The following ARHGEF9 variants were observed in gnomAD, a reference collection of about 807,000 sequenced individuals.
The protein encoded by ARHGEF9 is rho guanine nucleotide exchange factor 9.
Under a neutral mutation model 41.3 loss-of-function variants are expected in ARHGEF9, and 2 were observed. The observed-to-expected ratio is 0.05, with a 90% CI of 0.02 to 0.15. The LOEUF is 0.15. Among genes scored for constraint, ARHGEF9 ranks in the 10% least tolerant of loss-of-function variants. The probability of loss-of-function intolerance (pLI) is 1.00; values close to 1 mark genes in which losing one functional copy is unlikely to be tolerated. For synonymous variants in ARHGEF9, 160 were observed against 154.4 expected, an observed-to-expected ratio of 1.04 and a Z score of -0.27; for missense variants, 225 against 424.7, an observed-to-expected ratio of 0.53 and a Z score of 4.13.
chrX:63,735,285 C>T (rs1556422117), intron 1 of ARHGEF9, among the ~76,000 whole-genome samples: 2 of 111,210 alleles, frequency 1.8e-5, no homozygotes, highest in Admixed American at 1.9e-4. Context: ...TTTAACTTTT[C>T]CTGGACTACG....
chrX:63,659,574 T>A (rs1174634000), intron 7 of ARHGEF9, among the ~76,000 whole-genome samples: 1 of 111,217 alleles, frequency 9.0e-6, no homozygotes, highest in Non-Finnish European at 1.9e-5. Flanking sequence ...GCTTCACTTG[T>A]TTGTAAATAA....
At chrX:63,781,644 C>T (rs1222407897) in intron 1 of ARHGEF9, among the ~76,000 whole-genome samples, 2 of 111,926 alleles carry the variant, frequency 1.8e-5, no homozygotes, top group Non-Finnish European at 3.8e-5. Context: ...GCAACCATCA[C>T]GTCTAACCTG....
rs1556301481 is a variant in ARHGEF9, at chrX:63,638,213, G to C, written c.1391-4C>G. 6.8e-6 allele frequency: 8 copies of C among 1,170,883 alleles called. No homozygotes were observed. In the Admixed American group the frequency reaches 1.5e-4, roughly 22 times the overall value. On this transcript the variant is annotated splice_polypyrimidine_tract_variant and splice_region_variant and intron_variant, in intron 9 of 9. Transcript: ENST00000671741. ...ACTGAGCGGGCAGAGTTGACACCTA[G>C]AGTAGATGAGAGATCAAAGGGAAAG...
At chrX:63,649,253 T>A (rs1556322550) in intron 8 of ARHGEF9, among the ~76,000 whole-genome samples, 1 of 111,342 alleles carries the variant, frequency 9.0e-6, no homozygotes, top group Non-Finnish European at 1.9e-5. Flanking sequence ...CAGACCACAG[T>A]GAAATCAAAC....
intron 8 of ARHGEF9, among the ~76,000 whole-genome samples, chrX:63,651,790 G>A (rs555734813): frequency 3.6e-5 from 4 of 110,172 alleles, no homozygotes; most frequent in East Asian, 2.9e-4. Flanking sequence ...CGTGAAATTC[G>A]TGACTGACAA....
chrX:63,755,101 C>T, intron 1 of ARHGEF9: 6 of 938,957 alleles, frequency 6.4e-6, no homozygotes, highest in Non-Finnish European at 7.9e-6. Flanking sequence ...CCTTGCTGGC[C>T]CTATCCCTCT....
Position 63,722,929 on chromosome X carries a change from A to T in ARHGEF9, c.210+1603T>A, listed in dbSNP as rs1292310316. 2.7e-5 allele frequency: 3 copies of T among 111,782 alleles called. No homozygotes were observed. The East Asian group carries it at 8.4e-4, about 31-fold the overall frequency. 9.2% of individuals were successfully genotyped at this position (111,782 alleles called of 1,213,427 possible). On this transcript the variant is annotated intron_variant, in intron 2 of 9. Coordinates refer to ENST00000671741, the MANE Select transcript of ARHGEF9 (RefSeq NM_001353921.2). ...AGAAGAAAAGATTGGATATTTCATT[A>T]GAAGATTCTCATGATAGAAGGGAAT...
chrX:63,637,985 T>C lies in ARHGEF9; in HGVS notation c.*43A>G. On this transcript the variant is annotated 3_prime_UTR_variant, in exon 10 of 10. Coordinates refer to ENST00000671741, the MANE Select transcript of ARHGEF9 (RefSeq NM_001353921.2). The stretch of plus-strand genomic sequence containing the variant: ...AAAAAAGGTCCATCTATAAATATAA[T>C]TTTATTTACTTTATTTTAAAATTAT... 8.9e-7 allele frequency: 1 copy of C among 1,124,043 alleles called. No homozygotes were observed. Among genetic ancestry groups the C allele is most frequent in the Non-Finnish European group, 1.2e-6 (1 of 842,271 alleles). The allele number at this position is 1,124,043 out of a possible 1,213,427, so 92.6% of individuals were successfully genotyped here. A position where few individuals can be genotyped will look rare whatever the true frequency, so the allele number is the denominator to read the frequency against.
intron 2 of ARHGEF9, among the ~76,000 whole-genome samples, chrX:63,713,460 A>T (rs1295016772): frequency 9.1e-6 from 1 of 110,138 alleles, no homozygotes; most frequent in Non-Finnish European, 1.9e-5. Context: ...TAATCATTCT[A>T]ATCATGAGCT....
chrX:63,650,120 A>C (rs1347118480), intron 8 of ARHGEF9, among the ~76,000 whole-genome samples: 2 of 111,584 alleles, frequency 1.8e-5, no homozygotes, highest in African/African-American at 6.5e-5. Context: ...ACAGTAGAAA[A>C]GTTCCTAAAA....
In ARHGEF9 at chrX:63,636,996, G is replaced by C. The variant is rs2047340798; in HGVS notation, c.*1032C>G. ...ACTGCCCTAAACCTATCTGGTACTA[G>C]GGGGCAGGTAAATCCCTCTCCTGGG... is the stretch of plus-strand genomic sequence containing the variant. On this transcript the variant is annotated 3_prime_UTR_variant, in exon 10 of 10. Coordinates refer to ENST00000671741, the MANE Select transcript of ARHGEF9 (RefSeq NM_001353921.2). 6.8e-6 allele frequency: 2 copies of C among 295,622 alleles called. No individual in the cohort carries two copies. The allele number at this position is 295,622 out of a possible 1,213,427, so 24.4% of individuals were successfully genotyped here.
chrX:63,750,424 T>C (rs1363055508), intron 1 of ARHGEF9, among the ~76,000 whole-genome samples: 2 of 111,352 alleles, frequency 1.8e-5, no homozygotes, highest in Non-Finnish European at 3.8e-5. Context: ...AGCTCCATTA[T>C]CAAACTTGCT....
chrX:63,701,208 G>T (rs2052140302), intron 3 of ARHGEF9, among the ~76,000 whole-genome samples: 1 of 111,001 alleles, frequency 9.0e-6, no homozygotes, highest in Non-Finnish European at 1.9e-5. Context: ...GAACCAAACA[G>T]CCCCTGGATC....
Position 63,785,200 on chromosome X carries a change from G to T in ARHGEF9, c.-55C>A, listed in dbSNP as rs2056442849. On this transcript the variant is annotated 5_prime_UTR_variant, in exon 1 of 10. Transcript: ENST00000671741. ...CCCCGTAGCTGGCGCGAGTTGTCGC[G>T]GGCTGACTAGAAGGGCTGGGCTGAA... 1.1e-5 allele frequency: 13 copies of T among 1,139,954 alleles called. No homozygotes were observed. The highest frequency in any genetic ancestry group is 2.4e-4 in the Middle Eastern group (1 of 4,219). The allele number at this position is 1,139,954 out of a possible 1,213,427, so 93.9% of individuals were successfully genotyped here. A position where few individuals can be genotyped will look rare whatever the true frequency, so the allele number is the denominator to read the frequency against.
chrX:63,664,767 C>T (rs1324729514), intron 7 of ARHGEF9, among the ~76,000 whole-genome samples: 3 of 112,189 alleles, frequency 2.7e-5, no homozygotes, highest in Middle Eastern at 4.2e-3. Context: ...TCACCAAACA[C>T]TGAGGCAGTC....
intron 1 of ARHGEF9, among the ~76,000 whole-genome samples, chrX:63,777,573 C>A (rs1204869382): frequency 8.9e-6 from 1 of 112,218 alleles, no homozygotes; most frequent in African/African-American, 3.2e-5. Flanking sequence ...TGAGACAAGG[C>A]AAGTCCCTTC....
At chrX:63,652,429 TATAA>T (rs1271552129) in intron 8 of ARHGEF9, among the ~76,000 whole-genome samples, 3 of 111,539 alleles carry the variant, frequency 2.7e-5, no homozygotes, top group Admixed American at 9.6e-5. Flanking sequence ...TGTTAGGTAT[TATAA>T]ATAATCTAGA....
chrX:63,708,870 T>C (rs1556404779), intron 2 of ARHGEF9, among the ~76,000 whole-genome samples: 2 of 112,241 alleles, frequency 1.8e-5, no homozygotes, highest in Admixed American at 1.9e-4. Flanking sequence ...TAGAAAAAGG[T>C]GGCATATAAG....
chrX:63,755,697 G>T, intron 1 of ARHGEF9: 1 of 268,004 alleles, frequency 3.7e-6, no homozygotes, highest in Non-Finnish European at 5.1e-6. Context: ...TTTGGCCACT[G>T]CCTAAGAATT....
Sources: allele counts gnomAD v4.1 joint callset (sites outside exome capture counted in the v4.1 genomes callset), GRCh38; gene constraint gnomAD v4.1.1; transcripts MANE v1.5; gene names NCBI Gene and HGNC (gene_info 2026-07-23, HGNC 2026-07-21).